SESN2: variants seen among roughly 807,000 people sequenced by gnomAD.
The protein encoded by SESN2 is sestrin 2.
SESN2 carries 42 observed loss-of-function variants against 56.0 expected under a neutral mutation model. The ratio of observed to expected loss-of-function variants is 0.75; its 90% CI spans 0.59 to 0.97. SESN2 has a LOEUF of 0.97. SESN2 is among the 50% of genes least tolerant of loss of function. The pLI is 0.00. For synonymous variants in SESN2, 264 were observed against 267.1 expected (o/e 0.99, Z 0.11); for missense variants, 507 against 649.4 (o/e 0.78, Z 2.38).
In SESN2 at chr1:28,280,870, AC is replaced by A. The variant is rs1648217502; in HGVS notation, c.*71del. On this transcript the variant is annotated 3_prime_UTR_variant, in exon 10 of 10. Transcript: ENST00000253063. Reference sequence around the variant, plus strand: ...CTTCTCTGTCTGGAGACAGCCCCAGACCCTTTTGTGTCCCATGCCCACCCTC... The same window carrying A: ...CTTCTCTGTCTGGAGACAGCCCCAGACCTTTTGTGTCCCATGCCCACCCTC... 1 of 1,284,152 alleles carries A rather than the reference AC, an allele frequency of 7.8e-7. No individual in the cohort carries two copies. The highest frequency in any genetic ancestry group is 1.5e-5 in the African/African-American group (1 of 68,302). The allele number at this position is 1,284,152 out of a possible 1,614,324, so 79.5% of individuals were successfully genotyped here. A position where few individuals can be genotyped will look rare whatever the true frequency, so the allele number is the denominator to read the frequency against.
Position 28,272,403 on chromosome 1 carries a change from A to T in SESN2, c.474A>T (p.Lys158Asn). The change falls in exon 4 of 10, where the codon AAA (lysine) becomes AAT (asparagine). Residue 158 changes from lysine (K) to asparagine (N), a missense_variant. Physicochemically the swap from Lys to Asn is moderately conservative, Grantham distance 94. Transcript: ENST00000253063. ...ACCGGGCCCCCGAGAAGCTGCGCAA[A>T]CTCAGCGAGATCAACAAGTTGCTGG... ...GLHRAPEKLR[K>N]LSEINKLLAH... 6.2e-7 allele frequency: 1 copy of T among 1,613,308 alleles called. No homozygotes were observed. Among genetic ancestry groups the T allele is most frequent in the Non-Finnish European group, 8.5e-7 (1 of 1,179,942 alleles).
intron 1 of SESN2, among the ~76,000 whole-genome samples, chr1:28,263,749 GC>G (rs1647462741): frequency 6.6e-6 from 1 of 152,112 alleles, no homozygotes; most frequent in Non-Finnish European, 1.5e-5. Context: ...GACCTTAGAA[GC>G]CAGGCAGCCG....
At position 28,272,582 on chromosome 1, in the gene SESN2, C is replaced by A. The variant is rs560199569; in HGVS notation, c.539C>A (p.Ala180Asp). The A allele has an allele frequency of 1.2e-6, 2 of 1,613,970 alleles. No individual in the cohort carries two copies. The highest frequency in any genetic ancestry group is 2.2e-5 in the East Asian group (1 of 44,878). ...GACCTCCCCCCTTGTCCCTTCCAGG[C>A]CTTGCTGAAGACCGGCGAGCACACT... ...PWLITKEHIQ[A>D]LLKTGEHTWS... Residue 180 changes from alanine to aspartate, a missense_variant and splice_region_variant, in exon 5 of 10, where the codon GCC becomes GAC. Coordinates refer to ENST00000253063, the MANE Select transcript of SESN2 (RefSeq NM_031459.5).
At chr1:28,280,030 G>T (rs1002191261) in intron 9 of SESN2, among the ~76,000 whole-genome samples, 2 of 151,512 alleles carry the variant, frequency 1.3e-5, no homozygotes, top group African/African-American at 4.9e-5. Flanking sequence ...TAGAGATAAG[G>T]TCTCACTGTG....
intron 1 of SESN2, among the ~76,000 whole-genome samples, chr1:28,260,490 T>C (rs1647336938): frequency 6.6e-6 from 1 of 152,106 alleles, no homozygotes; most frequent in Admixed American, 6.5e-5. Flanking sequence ...ACCGCACTCC[T>C]GCTTTGGAGG....
rs557251381 is a variant in SESN2 at position 28,275,001 on chromosome 1, C to T, written c.1197C>T (p.Cys399=). The T allele has an allele frequency of 1.6e-5, 26 of 1,612,872 alleles. No homozygotes were observed. Among genetic ancestry groups the T allele is most frequent in the Admixed American group, 1.5e-4 (9 of 59,980 alleles). ...LRRAIWNYIH[C]VFGIRYDDYD... is the part of the protein sequence containing the mutation. The stretch of plus-strand genomic sequence containing the variant: ...GGGCCATCTGGAACTATATCCACTG[C>T]GTCTTTGGCATCAGGTGAGCTCATA... The change falls in exon 8 of 10, where the codon TGC becomes TGT. Residue 399 remains cysteine (C), a synonymous_variant. Coordinates refer to ENST00000253063, the MANE Select transcript of SESN2 (RefSeq NM_031459.5).
At position 28,282,256 on chromosome 1, in the gene SESN2, C is replaced by G. The variant is rs1648274422; in HGVS notation, c.*1454C>G. On this transcript the variant is annotated 3_prime_UTR_variant, in exon 10 of 10. Coordinates refer to ENST00000253063, the MANE Select transcript of SESN2 (RefSeq NM_031459.5). The stretch of plus-strand genomic sequence containing the variant: ...CAGTGTGCCACATTAAATACCCGTG[C>G]AGGCGCGGAGAAGCAACCGGCACCC... The G allele has an allele frequency of 6.6e-6, 1 of 152,368 alleles. No individual in the cohort carries two copies. The highest frequency in any genetic ancestry group is 1.5e-5 in the Non-Finnish European group (1 of 68,212). The allele number at this position is 152,368 out of a possible 1,614,324, so 9.4% of individuals were successfully genotyped here.
rs564407659 is a variant in SESN2, at chr1:28,275,252, T to C, written c.1211+237T>C. ...TGTTTGATATTTATGTACATATATA[T>C]ACACACACACACATACTCACACATA... On this transcript the variant is annotated intron_variant, in intron 8 of 9. Transcript: ENST00000253063. Among the ~76,000 whole-genome samples, 14 of 151,810 alleles carry C rather than the reference T, an allele frequency of 9.2e-5. No individual in the cohort carries two copies. The East Asian group carries it at 1.5e-3, about 17-fold the overall frequency.
intron 9 of SESN2, 50 bp from the exon 10 acceptor site, chr1:28,280,665 TG>T: frequency 2.1e-6 from 3 of 1,406,558 alleles, no homozygotes; most frequent in Non-Finnish European, 1.0e-6. Context: ...GGGAGGGGTG[TG>T]GGGGTGAGGA....
At chr1:28,278,999 T>G in intron 8 of SESN2, 98 bp from the exon 9 acceptor site, 2 of 1,217,042 alleles carry the variant, frequency 1.6e-6, no homozygotes, top group Non-Finnish European at 2.4e-6. Context: ...CTGATTTTTC[T>G]CAACACTCTG....
At chr1:28,270,420 C>A (rs76435896) in intron 2 of SESN2, among the ~76,000 whole-genome samples, 10,767 of 151,712 alleles carry the variant, frequency 0.071, 537 homozygotes, top group African/African-American at 0.14. Context: ...GGTTAAGGAG[C>A]TAACAAACAT....
chr1:28,261,269 G>T (rs1194906628), intron 1 of SESN2, among the ~76,000 whole-genome samples: 1 of 152,176 alleles, frequency 6.6e-6, no homozygotes, highest in African/African-American at 2.4e-5. Flanking sequence ...GCGCCATGTG[G>T]AGGAATGGCT....
At chr1:28,269,864 T>C (rs1309661876) in intron 2 of SESN2, among the ~76,000 whole-genome samples, 1 of 152,252 alleles carries the variant, frequency 6.6e-6, no homozygotes, top group Non-Finnish European at 1.5e-5. Context: ...ACTTAACATA[T>C]CTATTAAATG....
At chr1:28,270,603 T>C (rs889153001) in intron 2 of SESN2, among the ~76,000 whole-genome samples, 7 of 152,046 alleles carry the variant, frequency 4.6e-5, no homozygotes, top group African/African-American at 7.2e-5. Flanking sequence ...CGAAGTTTTG[T>C]TCTTGTTGCC....
intron 9 of SESN2, 124 bp from the exon 10 acceptor site, chr1:28,280,586 AGCAGAT>A: frequency 1.4e-6 from 1 of 725,228 alleles, no homozygotes; most frequent in Non-Finnish European, 2.5e-6. Flanking sequence ...TCAGAGCCTT[AGCAGAT>A]GCTGGGGCAG....
In SESN2 at chr1:28,280,806, C is replaced by T. The variant is rs547652634; in HGVS notation, c.*4C>T. The T allele has an allele frequency of 6.2e-7, 1 of 1,610,928 alleles. No homozygotes were observed. Among genetic ancestry groups the T allele is most frequent in the African/African-American group, 1.3e-5 (1 of 75,010 alleles). On this transcript the variant is annotated 3_prime_UTR_variant, in exon 10 of 10. Transcript: ENST00000253063. ...CATCACCCGCTACATGACCTGACTC[C>T]TGAGCAGGACCTGGGCCCGGTTCAG...
At chr1:28,260,542 C>CGCG (rs77791697) in intron 1 of SESN2, among the ~76,000 whole-genome samples, 5,145 of 152,172 alleles carry the variant, frequency 0.034, 218 homozygotes, top group African/African-American at 0.11. Flanking sequence ...CCGCCCGGTA[C>CGCG]GCGGCGGCGG....
chr1:28,279,387 T>G, intron 9 of SESN2, 146 bp downstream of exon 9: 1 of 740,238 alleles, frequency 1.4e-6, no homozygotes, highest in Non-Finnish European at 2.2e-6. Flanking sequence ...ATTGAAGTCC[T>G]ATTCCACTGT....
At position 28,271,797 on chromosome 1, in the gene SESN2, T is replaced by C; in HGVS notation, c.280T>C (p.Trp94Arg). 6.2e-7 allele frequency: 1 copy of C among 1,614,226 alleles called. No individual in the cohort carries two copies. The highest frequency in any genetic ancestry group is 8.5e-7 in the Non-Finnish European group (1 of 1,180,038). Residue 94 changes from tryptophan to arginine, a missense_variant, in exon 3 of 10, where the codon TGG becomes CGG. Physicochemically the swap from Trp to Arg is moderately radical, Grantham distance 101. Transcript: ENST00000253063. ...GLHPDYFTSF[W>R]RLHYLLLHTD... The stretch of plus-strand genomic sequence containing the variant: ...GCACCCTGACTACTTTACCAGCTTC[T>C]GGCGCCTGCACTACCTGCTGCTGCA...
Sources: allele counts gnomAD v4.1 joint callset (sites outside exome capture counted in the v4.1 genomes callset), GRCh38; gene constraint gnomAD v4.1.1; transcripts MANE v1.5; gene names NCBI Gene and HGNC (gene_info 2026-07-23, HGNC 2026-07-21).